The following KCNJ3 variants were observed in gnomAD, a reference collection of about 807,000 sequenced individuals.
KCNJ3 encodes the protein potassium inwardly rectifying channel subfamily J member 3.
KCNJ3 carries 4 observed loss-of-function variants against 39.2 expected under a neutral mutation model. That is an observed-to-expected ratio of 0.10 (90% confidence interval 0.05 to 0.23). The LOEUF (loss-of-function observed/expected upper bound fraction) is 0.23, where lower values mean the gene tolerates loss of function less well. Ranked by LOEUF, KCNJ3 falls within the 10% of genes least tolerant of loss-of-function variation. The pLI is 1.00. For missense variants in KCNJ3, 276 were observed against 634.9 expected, an observed-to-expected ratio of 0.43 and a Z score of 6.08; for synonymous variants, 230 against 237.4, an observed-to-expected ratio of 0.97 and a Z score of 0.29.
chr2:154,847,587 A>AT (rs5835551), intron 2 of KCNJ3, among the ~76,000 whole-genome samples: 31,284 of 144,752 alleles, frequency 0.22, 3,541 homozygotes, highest in East Asian at 0.53. Context: ...AATTTTCAGG[A>AT]TTTTTTCTTC....
chr2:154,783,483 C>T lies in KCNJ3; in HGVS notation c.920-71244C>T, dbSNP rs1686475184. Among the ~76,000 whole-genome samples, 2 of 152,230 alleles carry T rather than the reference C, an allele frequency of 1.3e-5. 1 individual carries two copies. ...TTATATTTTCCTGCCACTACTAACA[C>T]CCTGGATCTGTCTCAAAATAATAAT... On this transcript the variant is annotated intron_variant, in intron 2 of 2. Transcript: ENST00000295101.
At chr2:154,783,933 A>G (rs1300678396) in intron 2 of KCNJ3, among the ~76,000 whole-genome samples, 3 of 152,226 alleles carry the variant, frequency 2.0e-5, no homozygotes, top group Admixed American at 6.5e-5. Flanking sequence ...AACATATACA[A>G]TGATGGAATA....
At chr2:154,793,918 T>C (rs1483528256) in intron 2 of KCNJ3, among the ~76,000 whole-genome samples, 1 of 152,036 alleles carries the variant, frequency 6.6e-6, no homozygotes, top group Admixed American at 6.6e-5. Context: ...CTGTAGATTC[T>C]GAGCCCAAAC....
At chr2:154,810,533 A>G (rs1260309126) in intron 2 of KCNJ3, among the ~76,000 whole-genome samples, 2 of 152,216 alleles carry the variant, frequency 1.3e-5, no homozygotes, top group African/African-American at 4.8e-5. Context: ...TTAAAATAAT[A>G]CTATTATAAG....
At chr2:154,826,702 C>G (rs116385850) in intron 2 of KCNJ3, among the ~76,000 whole-genome samples, 2,433 of 152,256 alleles carry the variant, frequency 0.016, 34 homozygotes, top group South Asian at 0.034. Context: ...TGAATGTTAG[C>G]AAGACTCCTT....
chr2:154,845,622 G>GTT lies in KCNJ3; in HGVS notation c.920-9103_920-9102dup, dbSNP rs1209760434. 2.0e-5 allele frequency among the ~76,000 whole-genome samples: 3 copies of GTT among 152,212 alleles called. No individual in the cohort carries two copies. In the East Asian group the frequency reaches 5.8e-4, roughly 29 times the overall value. On this transcript the variant is annotated intron_variant, in intron 2 of 2. Coordinates refer to ENST00000295101, the MANE Select transcript of KCNJ3 (RefSeq NM_002239.4). ...TACCATAAGGAGAAAGCAGAAAAAA[G>GTT]TTTGATGAGACTGGGACATTTCCAC...
chr2:154,726,832 CACAT>C (rs780303084), intron 2 of KCNJ3, among the ~76,000 whole-genome samples: 25 of 141,204 alleles, frequency 1.8e-4, no homozygotes, highest in African/African-American at 5.1e-4. Context: ...CACACACACA[CACAT>C]ACACCATGGA....
chr2:154,764,522 A>G (rs1361580128), intron 2 of KCNJ3, among the ~76,000 whole-genome samples: 1 of 152,180 alleles, frequency 6.6e-6, no homozygotes, highest in East Asian at 1.9e-4. Context: ...AGGAATATTC[A>G]GGCACACTCA....
chr2:154,733,636 T>C (rs958100648), intron 2 of KCNJ3, among the ~76,000 whole-genome samples: 11 of 152,256 alleles, frequency 7.2e-5, no homozygotes, highest in African/African-American at 2.6e-4. Context: ...AAAGCTGAAA[T>C]TACTGGGTAA....
intron 2 of KCNJ3, among the ~76,000 whole-genome samples, chr2:154,787,210 T>C (rs140631706): frequency 1.3e-5 from 2 of 152,364 alleles, no homozygotes; most frequent in East Asian, 3.9e-4. Flanking sequence ...GCATTTTCAA[T>C]AACACTTAGT....
At chr2:154,722,082 T>A (rs191191775) in intron 2 of KCNJ3, among the ~76,000 whole-genome samples, 1 of 152,158 alleles carries the variant, frequency 6.6e-6, no homozygotes. Flanking sequence ...GGCAAGTCAA[T>A]AGATTTTTGT....
chr2:154,826,378 T>C (rs1487215907), intron 2 of KCNJ3, among the ~76,000 whole-genome samples: 1 of 152,226 alleles, frequency 6.6e-6, no homozygotes, highest in Non-Finnish European at 1.5e-5. Flanking sequence ...CAAATACTTA[T>C]AAACTGTTTA....
intron 2 of KCNJ3, among the ~76,000 whole-genome samples, chr2:154,737,657 G>A (rs1685571682): frequency 6.6e-6 from 1 of 152,178 alleles, no homozygotes; most frequent in African/African-American, 2.4e-5. Flanking sequence ...AAACTATAAT[G>A]TTGGAGATGA....
chr2:154,714,367 AT>A, intron 2 of KCNJ3, among the ~76,000 whole-genome samples: 1 of 151,490 alleles, frequency 6.6e-6, no homozygotes, highest in Non-Finnish European at 1.5e-5. Flanking sequence ...TTCTCTTTAT[AT>A]TTTTCAATTG....
At chr2:154,775,075 C>A (rs1469563932) in intron 2 of KCNJ3, among the ~76,000 whole-genome samples, 1 of 152,058 alleles carries the variant, frequency 6.6e-6, no homozygotes, top group Non-Finnish European at 1.5e-5. Context: ...AGCCACCATG[C>A]CCGACTAATT....
At chr2:154,731,770 G>A (rs1487751091) in intron 2 of KCNJ3, among the ~76,000 whole-genome samples, 1 of 151,604 alleles carries the variant, frequency 6.6e-6, no homozygotes, top group Non-Finnish European at 1.5e-5. Context: ...AAAACAATCT[G>A]ATTCACTTTT....
At chr2:154,725,079 C>T (rs1685330550) in intron 2 of KCNJ3, among the ~76,000 whole-genome samples, 1 of 151,180 alleles carries the variant, frequency 6.6e-6, no homozygotes, top group African/African-American at 2.4e-5. Context: ...CTTAGACATT[C>T]AAATATCTCC....
intron 2 of KCNJ3, among the ~76,000 whole-genome samples, chr2:154,740,886 C>T (rs1020194622): frequency 1.3e-5 from 2 of 151,906 alleles, no homozygotes; most frequent in African/African-American, 4.8e-5. Context: ...CAAATAAGAG[C>T]AGTACCAAGC....
At chr2:154,844,115 CA>C (rs1687625609) in intron 2 of KCNJ3, among the ~76,000 whole-genome samples, 2 of 152,226 alleles carry the variant, frequency 1.3e-5, no homozygotes, top group Non-Finnish European at 2.9e-5. Flanking sequence ...TGGTGAGCTA[CA>C]GATGGGGTTT....
Sources: allele counts gnomAD v4.1 joint callset (sites outside exome capture counted in the v4.1 genomes callset), GRCh38; gene constraint gnomAD v4.1.1; transcripts MANE v1.5; gene names NCBI Gene and HGNC (gene_info 2026-07-23, HGNC 2026-07-21).